TEX36: variants seen among roughly 807,000 people sequenced by gnomAD.
TEX36 encodes the protein testis expressed 36.
In TEX36, 12 loss-of-function variants were observed where a neutral mutation model predicts 13.6. The ratio of observed to expected loss-of-function variants is 0.88; its 90% CI spans 0.56 to 1.43. TEX36 has a LOEUF of 1.43. Ranked by LOEUF, TEX36 falls within the 40% of genes most tolerant of loss-of-function variation. TEX36 has a pLI of 0.00. For missense variants in TEX36, 224 were observed against 228.3 expected, an observed-to-expected ratio of 0.98 and a Z score of 0.12; for synonymous variants, 93 against 83.0, an observed-to-expected ratio of 1.12 and a Z score of -0.65.
At chr10:125,601,322 C>T (rs1484249084) in intron 3 of TEX36, among the ~76,000 whole-genome samples, 1 of 152,246 alleles carries the variant, frequency 6.6e-6, no homozygotes, top group Non-Finnish European at 1.5e-5. Context: ...CTCCCTGTAA[C>T]TTGCCCAAGA....
At chr10:125,608,675 G>A (rs1467372973) in intron 3 of TEX36, among the ~76,000 whole-genome samples, 1 of 152,136 alleles carries the variant, frequency 6.6e-6, no homozygotes, top group Non-Finnish European at 1.5e-5. Flanking sequence ...ATCTTGTTGA[G>A]GGCCTACTGT....
intron 3 of TEX36, among the ~76,000 whole-genome samples, chr10:125,612,929 A>G (rs1207281062): frequency 6.6e-6 from 1 of 152,106 alleles, no homozygotes; most frequent in Non-Finnish European, 1.5e-5. Flanking sequence ...ATGTGCACAC[A>G]AAGATAATTT....
chr10:125,638,461 A>G (rs1322933061), intron 3 of TEX36, among the ~76,000 whole-genome samples: 5 of 152,144 alleles, frequency 3.3e-5, no homozygotes, highest in Admixed American at 2.6e-4. Flanking sequence ...AGGGAAAAGA[A>G]ATGGATTCCC....
downstream of TEX36, among the ~76,000 whole-genome samples, chr10:125,654,873 T>C (rs1173263229): frequency 6.6e-6 from 1 of 152,196 alleles, no homozygotes; most frequent in Non-Finnish European, 1.5e-5. Context: ...CTCAACACTT[T>C]GTGCATTACT....
intron 3 of TEX36, among the ~76,000 whole-genome samples, chr10:125,595,655 C>G (rs535143309): frequency 2.0e-5 from 3 of 152,332 alleles, no homozygotes; most frequent in Admixed American, 6.5e-5. Context: ...AGCACTCCTG[C>G]CTCAGGGCCT....
chr10:125,576,620 A>C, exon 4 of TEX36: 1 of 1,267,582 alleles, frequency 7.9e-7, no homozygotes, highest in Non-Finnish European at 1.1e-6. Flanking sequence ...TTTTCCAAGA[A>C]TGCTGAATAA....
chr10:125,650,411 G>A (rs1846834501), intron 3 of TEX36, among the ~76,000 whole-genome samples: 3 of 152,120 alleles, frequency 2.0e-5, no homozygotes, highest in Admixed American at 6.5e-5. Context: ...GGTACATAAC[G>A]AAATGAAGGC....
At chr10:125,617,359 T>C (rs1248992382), downstream of TEX36, among the ~76,000 whole-genome samples, 1 of 152,236 alleles carries the variant, frequency 6.6e-6, no homozygotes, top group Non-Finnish European at 1.5e-5. Context: ...TGCTCGTCTG[T>C]TGATGCAGTT....
intron 1 of TEX36, among the ~76,000 whole-genome samples, chr10:125,668,914 T>A (rs1184824926): frequency 6.6e-6 from 1 of 152,156 alleles, no homozygotes; most frequent in Non-Finnish European, 1.5e-5. Context: ...ATCCCAGCAC[T>A]TTGGGAGGCT....
chr10:125,629,017 A>T (rs1206857971), intron 3 of TEX36, among the ~76,000 whole-genome samples: 1 of 152,250 alleles, frequency 6.6e-6, no homozygotes, highest in Non-Finnish European at 1.5e-5. Flanking sequence ...GGTTAAGAAA[A>T]GCTATTTCAT....
chr10:125,647,694 G>A, intron 3 of TEX36, among the ~76,000 whole-genome samples: 1 of 150,114 alleles, frequency 6.7e-6, no homozygotes, highest in Non-Finnish European at 1.5e-5. Context: ...AGCCCACAGA[G>A]CAGGGCGGGG....
rs568345593 is a variant in TEX36, at chr10:125,608,809, TG to T, written c.265-31936del. 1.4e-3 allele frequency among the ~76,000 whole-genome samples: 216 copies of T among 151,456 alleles called. 1 individual carries two copies. Among genetic ancestry groups the T allele is most frequent in the Non-Finnish European group, 2.7e-3 (185 of 67,826 alleles). On this transcript the variant is annotated intron_variant, in intron 3 of 3. Coordinates refer to the TEX36 transcript ENST00000532135. ...ATTATACATAAGGATATTAACGGTA[TG>T]TTAGAGGTAATACATGCATGGAATA...
At chr10:125,646,890 C>A (rs1846777646) in intron 3 of TEX36, among the ~76,000 whole-genome samples, 1 of 152,184 alleles carries the variant, frequency 6.6e-6, no homozygotes, top group Admixed American at 6.5e-5. Context: ...GCTTTCCTGG[C>A]AAATTCTATA....
chr10:125,610,005 C>T (rs1033284178), intron 3 of TEX36, among the ~76,000 whole-genome samples: 4 of 152,176 alleles, frequency 2.6e-5, no homozygotes, highest in Non-Finnish European at 4.4e-5. Flanking sequence ...GCTCATTATG[C>T]GTTTATTATA....
At chr10:125,625,420 G>C (rs1335743596) in intron 3 of TEX36, among the ~76,000 whole-genome samples, 1 of 152,182 alleles carries the variant, frequency 6.6e-6, no homozygotes, top group African/African-American at 2.4e-5. Context: ...CAAATTGAAG[G>C]TAAAAGTCAG....
At chr10:125,616,733 G>A (rs1183892996), downstream of TEX36, among the ~76,000 whole-genome samples, 165 of 124,632 alleles carry the variant, frequency 1.3e-3, no homozygotes, top group African/African-American at 4.5e-3. Context: ...AATAGGTGTG[G>A]TGTGGTGCTG....
At chr10:125,668,506 T>A (rs1368538701) in intron 1 of TEX36, among the ~76,000 whole-genome samples, 1 of 152,064 alleles carries the variant, frequency 6.6e-6, no homozygotes, top group Non-Finnish European at 1.5e-5. Flanking sequence ...ATCTCCAACT[T>A]TTTATTTAAT....
At chr10:125,682,273 G>A (rs1234370712) in intron 1 of TEX36, among the ~76,000 whole-genome samples, 1 of 152,198 alleles carries the variant, frequency 6.6e-6, no homozygotes, top group Non-Finnish European at 1.5e-5. Flanking sequence ...GAAGATGGTA[G>A]AAGAGTGAAA....
At chr10:125,576,600 G>A in exon 4 of TEX36, 1 of 1,143,794 alleles carries the variant, frequency 8.7e-7, no homozygotes, top group Non-Finnish European at 1.2e-6. Flanking sequence ...CTCCATAGCT[G>A]GAAATTTATT....
Sources: gnomAD v4.1 joint callset for allele counts (sites outside exome capture counted in the v4.1 genomes callset) on GRCh38, gnomAD v4.1.1 for gene constraint, MANE v1.5 for transcripts, NCBI Gene and HGNC (gene_info 2026-07-23, HGNC 2026-07-21) for gene names.